Variants in SCHIP1 observed in about 807,000 individuals in gnomAD.
SCHIP1 encodes schwannomin-interacting protein 1.
Under a neutral mutation model 29.7 loss-of-function variants are expected in SCHIP1, and 8 were observed. The observed-to-expected ratio is 0.27, with a 90% CI of 0.16 to 0.49. The LOEUF is 0.49. SCHIP1 is among the 20% of genes least tolerant of loss of function. The probability of loss-of-function intolerance (pLI) is 0.99; values close to 1 mark genes in which losing one functional copy is unlikely to be tolerated. For synonymous variants in SCHIP1, 76 were observed against 94.9 expected (o/e 0.80, Z 1.16); for missense variants, 193 against 294.6 (o/e 0.66, Z 2.52).
At chr3:159,647,560 C>T in the SCHIP1 span, among the ~76,000 whole-genome samples, 1 of 152,094 alleles carries the variant, frequency 6.6e-6, no homozygotes, top group African/African-American at 2.4e-5. Context: ...CAACTCTGTC[C>T]CTGTACCAGC....
chr3:159,655,677 C>T, the SCHIP1 span, among the ~76,000 whole-genome samples: 14 of 152,124 alleles, frequency 9.2e-5, no homozygotes, highest in Admixed American at 3.3e-4. Context: ...ATCATGAGGT[C>T]AGGTGTTTGA....
intron 1 of SCHIP1, among the ~76,000 whole-genome samples, chr3:159,847,978 G>T (rs546529982): frequency 6.6e-6 from 1 of 151,966 alleles, no homozygotes; most frequent in East Asian, 1.9e-4. Context: ...AGTGGGAGAT[G>T]AAGGGTTAAT....
chr3:159,654,839 T>C, the SCHIP1 span, among the ~76,000 whole-genome samples: 2 of 146,938 alleles, frequency 1.4e-5, no homozygotes, highest in Non-Finnish European at 3.0e-5. Flanking sequence ...TCACAAACCA[T>C]GCGAAGACAA....
At chr3:159,708,903 G>A in the SCHIP1 span, among the ~76,000 whole-genome samples, 3 of 152,164 alleles carry the variant, frequency 2.0e-5, no homozygotes, top group Admixed American at 1.3e-4. Flanking sequence ...TGCACAGGGG[G>A]ATGAATACTC....
chr3:159,843,029 T>G (rs1432246456), intron 1 of SCHIP1, among the ~76,000 whole-genome samples: 2 of 111,770 alleles, frequency 1.8e-5, no homozygotes, highest in African/African-American at 6.9e-5. Context: ...TTTTTTTTTT[T>G]GAGATGGAGT....
the SCHIP1 span, among the ~76,000 whole-genome samples, chr3:159,741,712 A>C: frequency 7.4e-4 from 113 of 152,354 alleles, no homozygotes; most frequent in African/African-American, 2.6e-3. Context: ...AAGTTACCAA[A>C]AATGGCAAAG....
At chr3:159,422,822 C>T in the SCHIP1 span, among the ~76,000 whole-genome samples, 3 of 152,122 alleles carry the variant, frequency 2.0e-5, no homozygotes, top group African/African-American at 7.2e-5. Flanking sequence ...TGTGGGTATA[C>T]CAAAATTTAC....
chr3:159,719,619 C>A, the SCHIP1 span, among the ~76,000 whole-genome samples: 3 of 152,176 alleles, frequency 2.0e-5, no homozygotes, highest in Admixed American at 6.5e-5. Context: ...ATGCAGCCAA[C>A]AGACACATGA....
chr3:159,530,611 A>T, the SCHIP1 span, among the ~76,000 whole-genome samples: 4 of 152,046 alleles, frequency 2.6e-5, no homozygotes, highest in African/African-American at 9.7e-5. Context: ...TTGCTCTTGG[A>T]TTTCACTTTG....
the SCHIP1 span, among the ~76,000 whole-genome samples, chr3:159,372,869 A>G: frequency 6.6e-6 from 1 of 152,084 alleles, no homozygotes; most frequent in Non-Finnish European, 1.5e-5. Context: ...TTTCATTACA[A>G]CAGCAAAGGT....
At chr3:159,645,839 T>C in the SCHIP1 span, among the ~76,000 whole-genome samples, 1 of 152,086 alleles carries the variant, frequency 6.6e-6, no homozygotes, top group African/African-American at 2.4e-5. Context: ...CAGGCTTGGG[T>C]GACTGGGTGA....
At chr3:159,872,879 C>T (rs1210531066) in intron 2 of SCHIP1, among the ~76,000 whole-genome samples, 1 of 152,154 alleles carries the variant, frequency 6.6e-6, no homozygotes, top group South Asian at 2.1e-4. Flanking sequence ...CATCACTATC[C>T]CTGAAATTCT....
At chr3:159,680,726 A>ATGT in the SCHIP1 span, among the ~76,000 whole-genome samples, 1 of 102,110 alleles carries the variant, frequency 9.8e-6, no homozygotes. Flanking sequence ...ATATGTATAT[A>ATGT]TATAATATAC....
chr3:159,522,632 A>C, the SCHIP1 span, among the ~76,000 whole-genome samples: 3 of 152,202 alleles, frequency 2.0e-5, no homozygotes, highest in Non-Finnish European at 4.4e-5. Flanking sequence ...GCACTTTAGG[A>C]GGCGGAGGCG....
the SCHIP1 span, among the ~76,000 whole-genome samples, chr3:159,279,184 CA>C: frequency 6.6e-6 from 1 of 152,130 alleles, no homozygotes; most frequent in African/African-American, 2.4e-5. Flanking sequence ...GTAATTGAAT[CA>C]TGGGAGCAGG....
the SCHIP1 span, among the ~76,000 whole-genome samples, chr3:159,343,552 G>C: frequency 6.6e-6 from 1 of 152,114 alleles, no homozygotes; most frequent in Admixed American, 6.5e-5. Context: ...TTCTTTTGAT[G>C]GCAAATCACA....
rs145651538 is a variant in SCHIP1 at position 159,860,647 on chromosome 3, T to G, written c.31-5516T>G. On this transcript the variant is annotated intron_variant, in intron 1 of 6. Coordinates refer to ENST00000445224, the Ensembl canonical transcript of SCHIP1. ...CAAAGAGTGAAAAGTGAGAAACAAA[T>G]GCATCTGGGAGGAGGGGAAGCTCAA... is the stretch of plus-strand genomic sequence containing the variant. Among the ~76,000 whole-genome samples the G allele has an allele frequency of 7.2e-3, 1,102 of 152,190 alleles. 9 individuals are homozygous for G. The highest frequency in any genetic ancestry group is 0.01 in the South Asian group (49 of 4,818).
At chr3:159,680,232 C>A in the SCHIP1 span, among the ~76,000 whole-genome samples, 1 of 151,730 alleles carries the variant, frequency 6.6e-6, no homozygotes, top group African/African-American at 2.4e-5. Context: ...TATGCAGGGC[C>A]AGGCGCGGTG....
the SCHIP1 span, among the ~76,000 whole-genome samples, chr3:159,598,007 C>T: frequency 4.8e-3 from 731 of 152,190 alleles, 3 homozygotes; most frequent in Non-Finnish European, 7.6e-3. Flanking sequence ...GGGGAAACTG[C>T]CCTTTATAAA....
Sources: gnomAD v4.1 joint callset for allele counts (sites outside exome capture counted in the v4.1 genomes callset) on GRCh38, gnomAD v4.1.1 for gene constraint, MANE v1.5 for transcripts, NCBI Gene and HGNC (gene_info 2026-07-23, HGNC 2026-07-21) for gene names.